The following AR variants were observed in gnomAD, a reference collection of about 807,000 sequenced individuals.
AR encodes the protein dihydrotestosterone receptor.
A neutral mutation model predicts 53.9 loss-of-function variants in AR; 8 were observed. That is an observed-to-expected ratio of 0.15 (90% CI 0.09 to 0.27). The LOEUF is 0.27. Among genes scored for constraint, AR ranks in the 10% least tolerant of loss-of-function variants. AR has a pLI of 1.00. For synonymous variants in AR, 359 were observed against 316.4 expected (o/e 1.13, Z -1.43); for missense variants, 639 against 742.5 (o/e 0.86, Z 1.62).
chrX:67,727,202 A>C lies in AR; in HGVS notation c.*3361A>C, dbSNP rs2076161228. ...ATAGGCAATATTGTTGTTCTTGGAA[A>C]GTTTATTATTTTTTTAACTCCCTTA... On this transcript the variant is annotated 3_prime_UTR_variant, in exon 8 of 8. Coordinates refer to ENST00000374690, the MANE Select transcript of AR (RefSeq NM_000044.6). 1 of 168,771 alleles carries C rather than the reference A, an allele frequency of 5.9e-6. No homozygotes were observed. Among genetic ancestry groups the C allele is most frequent in the Admixed American group, 7.9e-5 (1 of 12,607 alleles). 13.9% of individuals were successfully genotyped at this position (168,771 alleles called of 1,213,427 possible). A position where few individuals can be genotyped will look rare whatever the true frequency, so the allele number is the denominator to read the frequency against.
intron 3 of AR, among the ~76,000 whole-genome samples, chrX:67,710,492 G>T (rs973404347): frequency 1.8e-5 from 2 of 109,718 alleles, no homozygotes; most frequent in Admixed American, 9.8e-5. Context: ...AGCTAATTTG[G>T]TTTTTTACTA....
intron 3 of AR, chrX:67,694,852 TG>T: frequency 4.6e-6 from 5 of 1,087,378 alleles, no homozygotes; most frequent in Non-Finnish European, 5.9e-6. Flanking sequence ...ACGTTGGGGT[TG>T]GGGGCTACTC....
chrX:67,656,794 T>C (rs1482249443), intron 2 of AR, among the ~76,000 whole-genome samples: 1 of 109,952 alleles, frequency 9.1e-6, no homozygotes, highest in Non-Finnish European at 1.9e-5. Flanking sequence ...TTCAGTCCAG[T>C]GGGAGCAAAT....
rs1014563257 is a variant in AR at position 67,687,877 on chromosome X, A to G, written c.1885+1751A>G. The stretch of plus-strand genomic sequence containing the variant: ...GGATGCAAATCTTAACATTAATTCC[A>G]TGTCTCAGCCAACATTCTCCATTAT... On this transcript the variant is annotated intron_variant, in intron 3 of 7. Transcript: ENST00000374690. Among the ~76,000 whole-genome samples the G allele has an allele frequency of 6.2e-5, 7 of 112,290 alleles. No homozygotes were observed. In the Admixed American group the frequency reaches 6.6e-4, roughly 11 times the overall value.
intron 1 of AR, among the ~76,000 whole-genome samples, chrX:67,571,577 C>T (rs1212148171): frequency 1.8e-5 from 2 of 111,587 alleles, no homozygotes; most frequent in African/African-American, 6.5e-5. Flanking sequence ...GCTAAGGGAA[C>T]ATATATCTAG....
Position 67,711,533 on chromosome X carries a change from A to G in AR, c.2017A>G (p.Ile673Val), listed in dbSNP as rs146618994. Residue 673 changes from isoleucine (I) to valine (V), a missense_variant, in exon 4 of 8, where the codon ATC becomes GTC. Ile to Val is a conservative substitution (Grantham distance 29). Transcript: ENST00000374690. ...SHIEGYECQP[I>V]FLNVLEAIEP... Reference sequence around the variant, plus strand: ...CATTGAAGGCTATGAATGTCAGCCCATCTTTCTGAATGTCCTGGAAGCCAT... The same window carrying G: ...CATTGAAGGCTATGAATGTCAGCCCGTCTTTCTGAATGTCCTGGAAGCCAT... 1.8e-5 allele frequency: 22 copies of G among 1,210,072 alleles called. No individual in the cohort carries two copies. In the African/African-American group the frequency reaches 3.5e-4, roughly 19 times the overall value.
chrX:67,602,269 G>A (rs991656001), intron 1 of AR, among the ~76,000 whole-genome samples: 1 of 111,754 alleles, frequency 8.9e-6, no homozygotes, highest in Admixed American at 9.6e-5. Flanking sequence ...TAGGAACTTT[G>A]TATCTGCCTC....
chrX:67,622,665 A>G (rs1924436746), intron 1 of AR, among the ~76,000 whole-genome samples: 1 of 111,803 alleles, frequency 8.9e-6, no homozygotes, highest in South Asian at 3.8e-4. Context: ...CATTAGGGCC[A>G]TGGACACCCC....
intron 3 of AR, among the ~76,000 whole-genome samples, chrX:67,688,743 C>T (rs2147501228): frequency 9.0e-6 from 1 of 111,663 alleles, no homozygotes; most frequent in African/African-American, 3.3e-5. Flanking sequence ...GCAAATCTTT[C>T]CATTTTGCTG....
At chrX:67,567,781 A>G (rs147052942) in intron 1 of AR, among the ~76,000 whole-genome samples, 1 of 112,289 alleles carries the variant, frequency 8.9e-6, no homozygotes, top group Non-Finnish European at 1.9e-5. Flanking sequence ...TAGATGAAAC[A>G]TTAAGTCTAG....
At chrX:67,675,279 A>T (rs777171362) in intron 2 of AR, among the ~76,000 whole-genome samples, 75 of 109,176 alleles carry the variant, frequency 6.9e-4, no homozygotes, top group African/African-American at 2.4e-3. Flanking sequence ...GGGTGGCACA[A>T]GCACTCTCTT....
intron 1 of AR, among the ~76,000 whole-genome samples, chrX:67,633,173 G>A (rs989877621): frequency 4.5e-5 from 5 of 111,947 alleles, no homozygotes; most frequent in Non-Finnish European, 9.4e-5. Context: ...TACATATGCA[G>A]GTTTGCTATA....
At chrX:67,713,639 G>A (rs1484916938) in intron 4 of AR, among the ~76,000 whole-genome samples, 5 of 111,835 alleles carry the variant, frequency 4.5e-5, no homozygotes. Context: ...GCTCCATTTG[G>A]TCACTTAACA....
At chrX:67,630,018 T>G (rs1924976658) in intron 1 of AR, among the ~76,000 whole-genome samples, 1 of 111,441 alleles carries the variant, frequency 9.0e-6, no homozygotes, top group South Asian at 3.8e-4. Context: ...TGTTATAATT[T>G]CTGTTCTTTT....
intron 3 of AR, among the ~76,000 whole-genome samples, chrX:67,700,864 A>T (rs1299607363): frequency 1.8e-5 from 2 of 112,215 alleles, no homozygotes; most frequent in Admixed American, 9.4e-5. Flanking sequence ...GAGGCGACAG[A>T]TTATATCTCA....
chrX:67,660,533 G>A (rs1460826536), intron 2 of AR, among the ~76,000 whole-genome samples: 2 of 111,294 alleles, frequency 1.8e-5, no homozygotes, highest in East Asian at 2.8e-4. Context: ...TATATATGCG[G>A]CATTATTTCT....
chrX:67,684,402 C>A (rs2075954315), intron 2 of AR, among the ~76,000 whole-genome samples: 1 of 111,297 alleles, frequency 9.0e-6, no homozygotes, highest in Admixed American at 9.6e-5. Context: ...GTTAAAAACC[C>A]CTAACACAGG....
At chrX:67,663,224 G>A (rs1159199409) in intron 2 of AR, among the ~76,000 whole-genome samples, 2 of 111,730 alleles carry the variant, frequency 1.8e-5, no homozygotes, top group African/African-American at 3.3e-5. Context: ...TAGCCTCGAC[G>A]GTCTTTACAA....
intron 3 of AR, among the ~76,000 whole-genome samples, chrX:67,704,137 A>T (rs944535428): frequency 8.9e-5 from 10 of 111,982 alleles, no homozygotes; most frequent in African/African-American, 1.3e-4. Context: ...GCAGCATGAC[A>T]TATAATCCTT....
Sources: allele counts gnomAD v4.1 joint callset (sites outside exome capture counted in the v4.1 genomes callset), GRCh38; gene constraint gnomAD v4.1.1; transcripts MANE v1.5; gene names NCBI Gene and HGNC (gene_info 2026-07-23, HGNC 2026-07-21).